Variants in SAP130 observed in about 807,000 individuals in gnomAD.
The protein encoded by SAP130 is Sin3A associated protein 130.
Under a neutral mutation model 103.2 loss-of-function variants are expected in SAP130, and 16 were observed. The ratio of observed to expected loss-of-function variants is 0.16; its 90% confidence interval spans 0.10 to 0.24. The LOEUF (loss-of-function observed/expected upper bound fraction) is 0.24. Ranked by LOEUF, SAP130 falls within the 10% of genes least tolerant of loss-of-function variation. SAP130 has a pLI of 1.00. For missense variants in SAP130, 990 were observed against 1,359.7 expected, an observed-to-expected ratio of 0.73 and a Z score of 4.28; for synonymous variants, 477 against 497.0, an observed-to-expected ratio of 0.96 and a Z score of 0.53.
rs563153246 is a variant in SAP130 at position 127,942,878 on chromosome 2, C to T, written c.2902-341G>A. ...TGGCGCATGCCTGCAATCCCAGTTA[C>T]TCGGGAGGCTGAGGCAGGAGAATCG... On this transcript the variant is annotated intron_variant, in intron 19 of 20. Transcript: ENST00000643581. This position sits in a 1 kb window ranked among gnomAD's most constrained non-coding sequence, Gnocchi z 4.8. Among the ~76,000 whole-genome samples, 3 of 152,272 alleles carry T rather than the reference C, an allele frequency of 2.0e-5. No individual in the cohort carries two copies. The highest frequency in any genetic ancestry group is 1.3e-4 in the Admixed American group (2 of 15,288).
At chr2:128,013,213 C>T (rs1377415885) in intron 5 of SAP130, 59 bp from the exon 6 acceptor site, 17 of 1,457,308 alleles carry the variant, frequency 1.2e-5, no homozygotes, top group Non-Finnish European at 1.5e-5. Flanking sequence ...GGAAAATAAT[C>T]AGTATGTTTC....
In SAP130 at chr2:128,023,779, A is replaced by G. The variant is rs185617319; in HGVS notation, c.112+2402T>C. On this transcript the variant is annotated intron_variant, in intron 2 of 20. Coordinates refer to ENST00000643581, the MANE Select transcript of SAP130 (RefSeq NM_001330301.2). ...GAGACAGAGTGAGACTCCGTCTCAG[A>G]AAAAAAGAAGACTATCATTTCCCTA... 3.3e-4 allele frequency among the ~76,000 whole-genome samples: 51 copies of G among 152,294 alleles called. 1 individual carries two copies. In the South Asian group the frequency reaches 6.4e-3, roughly 19 times the overall value.
chr2:127,958,634 A>AGGAGAGAG (rs1680007527), intron 15 of SAP130, among the ~76,000 whole-genome samples: 1 of 103,502 alleles, frequency 9.7e-6, no homozygotes, highest in African/African-American at 4.1e-5. Flanking sequence ...AGTGAGACAG[A>AGGAGAGAG]TGAGAGAGAG....
chr2:127,954,123 T>C (rs1228651787), intron 16 of SAP130, among the ~76,000 whole-genome samples: 2 of 152,134 alleles, frequency 1.3e-5, no homozygotes, highest in African/African-American at 2.4e-5. Flanking sequence ...GGGTGCTTCA[T>C]TTTTCCCTTC....
intron 15 of SAP130, among the ~76,000 whole-genome samples, chr2:127,956,843 TG>T (rs1384264256): frequency 2.0e-5 from 3 of 152,200 alleles, no homozygotes; most frequent in African/African-American, 7.2e-5. Context: ...ACTGATTGGT[TG>T]GTTGCTGGGG....
chr2:128,023,056 C>T (rs1685262038), intron 2 of SAP130, among the ~76,000 whole-genome samples: 2 of 151,218 alleles, frequency 1.3e-5, no homozygotes, highest in Admixed American at 6.6e-5. Context: ...TGCAGTGGCG[C>T]TATCTTGGCT....
At chr2:128,012,574 C>T (rs1355720186) in intron 6 of SAP130, among the ~76,000 whole-genome samples, 1 of 152,020 alleles carries the variant, frequency 6.6e-6, no homozygotes. Context: ...TACTATATTT[C>T]CTGCAAATAT....
At chr2:128,002,213 G>C (rs541941113) in intron 7 of SAP130, among the ~76,000 whole-genome samples, 1 of 152,122 alleles carries the variant, frequency 6.6e-6, no homozygotes, top group African/African-American at 2.4e-5. Context: ...CAATGTGCCC[G>C]GCCAAAACTT....
At chr2:127,998,144 T>C (rs757020557) in intron 10 of SAP130, among the ~76,000 whole-genome samples, 12 of 151,456 alleles carry the variant, frequency 7.9e-5, no homozygotes, top group African/African-American at 1.2e-4. Context: ...ACATTCTCAA[T>C]AGTTAAATAA....
At chr2:128,013,236 T>C (rs1027419905) in intron 5 of SAP130, 82 bp from the exon 6 acceptor site, 10 of 1,332,210 alleles carry the variant, frequency 7.5e-6, no homozygotes, top group Admixed American at 2.6e-5. Context: ...AAAACTCAGA[T>C]AGCATGTCAA....
intron 15 of SAP130, among the ~76,000 whole-genome samples, chr2:127,972,024 G>A (rs1304812658): frequency 1.3e-5 from 2 of 152,148 alleles, no homozygotes; most frequent in African/African-American, 4.8e-5. Flanking sequence ...AGTGTGGGGG[G>A]TTTATTCTTC....
intron 18 of SAP130, among the ~76,000 whole-genome samples, chr2:127,947,771 T>A (rs111685804): frequency 1.4e-5 from 2 of 142,530 alleles, no homozygotes; most frequent in East Asian, 2.5e-4. Context: ...TGTCTGTGTG[T>A]GTGTGTGTGT....
intron 14 of SAP130, among the ~76,000 whole-genome samples, chr2:127,980,673 G>A (rs1681800946): frequency 6.6e-6 from 1 of 152,134 alleles, no homozygotes; most frequent in Admixed American, 6.5e-5. Flanking sequence ...ATCAAGGCCA[G>A]GTGCTCACGC....
At chr2:127,991,336 T>C (rs1202873627) in intron 12 of SAP130, among the ~76,000 whole-genome samples, 2 of 152,198 alleles carry the variant, frequency 1.3e-5, no homozygotes, top group Non-Finnish European at 2.9e-5. Context: ...CAATATGTCA[T>C]TAATAAACAT....
At chr2:127,954,644 T>C (rs912641550) in intron 16 of SAP130, among the ~76,000 whole-genome samples, 3 of 152,216 alleles carry the variant, frequency 2.0e-5, no homozygotes, top group Admixed American at 6.5e-5. Flanking sequence ...AAAGCCATAT[T>C]GTGCCTCCTT....
intron 18 of SAP130, among the ~76,000 whole-genome samples, chr2:127,947,516 G>A (rs1679165852): frequency 6.6e-6 from 1 of 152,162 alleles, no homozygotes; most frequent in Non-Finnish European, 1.5e-5. Context: ...TCTGTCTGGT[G>A]TTGATAGCAT....
chr2:128,003,215 A>G lies in SAP130; in HGVS notation c.870-2761T>C, dbSNP rs181092512. Among the ~76,000 whole-genome samples, 1,263 of 151,774 alleles carry G rather than the reference A, an allele frequency of 8.3e-3. 7 individuals are homozygous for G. The highest frequency in any genetic ancestry group is 0.015 in the Non-Finnish European group (994 of 67,890). On this transcript the variant is annotated intron_variant, in intron 7 of 20. Coordinates refer to ENST00000643581, the MANE Select transcript of SAP130 (RefSeq NM_001330301.2). ...AGCAAAAGAAAGAGACTTTGATTAAAATATTTTGAGGCTGGGCGCAGTGGC... is the reference window on the plus strand; with the variant it reads ...AGCAAAAGAAAGAGACTTTGATTAAGATATTTTGAGGCTGGGCGCAGTGGC...
intron 7 of SAP130, among the ~76,000 whole-genome samples, chr2:128,004,541 AT>A (rs1415650433): frequency 6.6e-6 from 1 of 151,816 alleles, no homozygotes; most frequent in Non-Finnish European, 1.5e-5. Flanking sequence ...AATTCTGGGG[AT>A]AAAATCCAGT....
In SAP130 at chr2:127,989,581, G is replaced by C; in HGVS notation, c.1763C>G (p.Pro588Arg). The change falls in exon 13 of 21, where the codon CCT becomes CGT. Residue 588 changes from proline to arginine, a missense_variant. Physicochemically the swap from Pro to Arg is moderately radical, Grantham distance 103. Around this residue, in one of 6 missense-constraint regions of SAP130, gnomAD observed 349 missense variants for 384.1 expected, o/e 0.91. Coordinates refer to ENST00000643581, the MANE Select transcript of SAP130 (RefSeq NM_001330301.2). This position sits in a 1 kb window ranked among gnomAD's most constrained non-coding sequence, Gnocchi z 4.6. ...AAAATTACCTGAAGTCTTTCCTTCAGGCTGAGGCTGCTGAGTACCCATAGG... is the reference window on the plus strand; with the variant it reads ...AAAATTACCTGAAGTCTTTCCTTCACGCTGAGGCTGCTGAGTACCCATAGG... ...PAPMGTQQPQ[P>R]EGKTSAVVLA... 6.2e-7 allele frequency: 1 copy of C among 1,610,146 alleles called. No individual in the cohort carries two copies. Among genetic ancestry groups the C allele is most frequent in the South Asian group, 1.1e-5 (1 of 90,884 alleles).
Sources: allele counts gnomAD v4.1 joint callset (sites outside exome capture counted in the v4.1 genomes callset), GRCh38; gene constraint gnomAD v4.1.1; regional missense constraint gnomAD v4.1.1; non-coding constraint Gnocchi (gnomAD v3.1); transcripts MANE v1.5; gene names NCBI Gene and HGNC (gene_info 2026-07-23, HGNC 2026-07-21).